The following ELOVL4 variants were observed in gnomAD, a reference collection of about 807,000 sequenced individuals.
ELOVL4 encodes ELOVL fatty acid elongase 4.
In ELOVL4, 18 loss-of-function variants were observed where a neutral mutation model predicts 42.1. That is an observed-to-expected ratio of 0.43 (90% CI 0.30 to 0.63). ELOVL4 has a LOEUF of 0.63. ELOVL4 is among the 30% of genes least tolerant of loss of function. ELOVL4 has a pLI of 0.15. For synonymous variants in ELOVL4, 117 were observed against 127.0 expected (o/e 0.92, Z 0.53); for missense variants, 299 against 376.2 (o/e 0.79, Z 1.70).
intron 1 of ELOVL4, among the ~76,000 whole-genome samples, chr6:79,938,699 A>G (rs1774590314): frequency 1.3e-5 from 2 of 152,232 alleles, no homozygotes; most frequent in African/African-American, 2.4e-5. Context: ...AATCTCATAC[A>G]CCAGCCTTTA....
intron 1 of ELOVL4, among the ~76,000 whole-genome samples, chr6:79,936,173 AAAG>A (rs1420877119): frequency 3.9e-5 from 6 of 152,226 alleles, no homozygotes; most frequent in South Asian, 2.1e-4. Context: ...TACCATAAAA[AAAG>A]AAGAACACAA....
At chr6:79,931,834 G>GTGTACA (rs1408305376) in intron 1 of ELOVL4, among the ~76,000 whole-genome samples, 13 of 152,200 alleles carry the variant, frequency 8.5e-5, no homozygotes, top group African/African-American at 3.1e-4. Flanking sequence ...CTGAATTCAG[G>GTGTACA]AAATTTCTAA....
At chr6:79,939,845 T>C (rs1383086921) in intron 1 of ELOVL4, among the ~76,000 whole-genome samples, 1 of 152,160 alleles carries the variant, frequency 6.6e-6, no homozygotes, top group South Asian at 2.1e-4. Context: ...AGTGGAACCA[T>C]AATGCCACAT....
At chr6:79,940,912 C>A (rs1439817725) in intron 1 of ELOVL4, among the ~76,000 whole-genome samples, 1 of 152,076 alleles carries the variant, frequency 6.6e-6, no homozygotes, top group Non-Finnish European at 1.5e-5. Flanking sequence ...GCAACAAAAG[C>A]AATGTTATTT....
At chr6:79,927,522 T>C (rs343630) in intron 1 of ELOVL4, among the ~76,000 whole-genome samples, 10,949 of 152,154 alleles carry the variant, frequency 0.072, 1,257 homozygotes, top group African/African-American at 0.25. Context: ...GTGAACTAGG[T>C]ATTAAAATAC....
chr6:79,924,671 A>T (rs1774314033), intron 3 of ELOVL4, among the ~76,000 whole-genome samples: 1 of 152,074 alleles, frequency 6.6e-6, no homozygotes, highest in African/African-American at 2.4e-5. Flanking sequence ...CCCTGTCTCT[A>T]CAAAAAGTAA....
Position 79,947,283 on chromosome 6 carries a change from G to A in ELOVL4, c.-4C>T, listed in dbSNP as rs1774765430. The A allele has an allele frequency of 6.2e-7, 1 of 1,609,548 alleles. No homozygotes were observed. The highest frequency in any genetic ancestry group is 1.3e-5 in the African/African-American group (1 of 74,834). ...GCTCCGAGTCCAGGAGCCCCATCGC[G>A]GCGATGAGCGGGCGCTGGCGGCAGG... is the stretch of plus-strand genomic sequence containing the variant. On this transcript the variant is annotated 5_prime_UTR_variant, in exon 1 of 6. Coordinates refer to ENST00000369816, the MANE Select transcript of ELOVL4 (RefSeq NM_022726.4).
chr6:79,926,896 C>T (rs1774351799), intron 1 of ELOVL4, among the ~76,000 whole-genome samples: 1 of 152,070 alleles, frequency 6.6e-6, no homozygotes, highest in African/African-American at 2.4e-5. Context: ...AGTACAGGGG[C>T]ACTGAGAGAT....
intron 1 of ELOVL4, among the ~76,000 whole-genome samples, chr6:79,929,523 G>C (rs1774408852): frequency 6.6e-6 from 1 of 151,982 alleles, no homozygotes; most frequent in African/African-American, 2.4e-5. Context: ...TTACAGGCGT[G>C]AGCCACCATG....
intron 1 of ELOVL4, among the ~76,000 whole-genome samples, chr6:79,940,470 C>T (rs1774628006): frequency 6.6e-6 from 1 of 152,080 alleles, no homozygotes; most frequent in Admixed American, 6.5e-5. Context: ...ATCAATTTTA[C>T]AAAAATCTTA....
At chr6:79,936,271 T>C (rs1774540596) in intron 1 of ELOVL4, among the ~76,000 whole-genome samples, 1 of 152,186 alleles carries the variant, frequency 6.6e-6, no homozygotes, top group African/African-American at 2.4e-5. Context: ...CCTAAAACTA[T>C]CCATCCTTTA....
intron 1 of ELOVL4, among the ~76,000 whole-genome samples, chr6:79,936,881 T>G (rs778453527): frequency 3.3e-5 from 5 of 152,156 alleles, no homozygotes; most frequent in Non-Finnish European, 7.4e-5. Flanking sequence ...GGGTGAAGAA[T>G]AGCATGATCA....
chr6:79,917,153 C>A (rs941808840), intron 5 of ELOVL4, among the ~76,000 whole-genome samples: 1 of 152,042 alleles, frequency 6.6e-6, no homozygotes, highest in African/African-American at 2.4e-5. Context: ...GAGAATTATA[C>A]CTATTTGAAA....
chr6:79,928,744 T>G (rs1056160689), intron 1 of ELOVL4, among the ~76,000 whole-genome samples: 22 of 143,938 alleles, frequency 1.5e-4, no homozygotes, highest in African/African-American at 5.5e-4. Flanking sequence ...TTTTTTTTTT[T>G]TTTTTTTTTT....
intron 3 of ELOVL4, among the ~76,000 whole-genome samples, chr6:79,923,576 T>A (rs1043162993): frequency 3.3e-5 from 5 of 152,014 alleles, no homozygotes; most frequent in Non-Finnish European, 5.9e-5. Context: ...CAGAAGAAAA[T>A]TTTTCATAGC....
intron 3 of ELOVL4, 123 bp downstream of exon 3, chr6:79,924,823 AGAAACT>A: frequency 1.5e-6 from 1 of 680,294 alleles, no homozygotes. Context: ...GGACAGAGCA[AGAAACT>A]GTCTCTAAAT....
intron 1 of ELOVL4, 33 bp downstream of exon 1, chr6:79,947,147 A>G (rs1400818134): frequency 3.2e-6 from 5 of 1,568,942 alleles, no homozygotes; most frequent in African/African-American, 2.7e-5. Context: ...CCCGCGGGGG[A>G]CCGAGCGAGG....
intron 1 of ELOVL4, among the ~76,000 whole-genome samples, chr6:79,942,351 G>A (rs1019275231): frequency 6.6e-6 from 1 of 151,960 alleles, no homozygotes; most frequent in African/African-American, 2.4e-5. Context: ...TAGTACCTTC[G>A]TTTGTTAACA....
In ELOVL4 at chr6:79,926,371, C is replaced by T. The variant is rs2127699419; in HGVS notation, c.111G>A (p.Val37=). Residue 37 remains valine, a synonymous_variant, in exon 2 of 6, where the codon GTG becomes GTA. Transcript: ENST00000369816. The stretch of plus-strand genomic sequence containing the variant: ...GAGACTGCATCAGAGGCCAATTTTC[C>T]ACACGCTTATCTATAGAGAGAACAA... The part of the protein sequence containing the change: ...RWTWSIADKR[V]ENWPLMQSPW... 2.5e-6 allele frequency: 4 copies of T among 1,613,810 alleles called. No homozygotes were observed. The highest frequency in any genetic ancestry group is 3.4e-6 in the Non-Finnish European group (4 of 1,179,828).
Sources: gnomAD v4.1 joint callset for allele counts (sites outside exome capture counted in the v4.1 genomes callset) on GRCh38, gnomAD v4.1.1 for gene constraint, MANE v1.5 for transcripts, NCBI Gene and HGNC (gene_info 2026-07-23, HGNC 2026-07-21) for gene names.